Variants in ELF2 observed in about 807,000 individuals in gnomAD.
The protein encoded by ELF2 is ETS-related transcription factor Elf-2.
Under a neutral mutation model 54.8 loss-of-function variants are expected in ELF2, and 11 were observed. The observed-to-expected ratio is 0.20, with a 90% CI of 0.13 to 0.33. The LOEUF is 0.33. Among genes scored for constraint, ELF2 ranks in the 10% least tolerant of loss-of-function variants. The probability of loss-of-function intolerance (pLI) is 1.00; values close to 1 mark genes in which losing one functional copy is unlikely to be tolerated. For missense variants in ELF2, 513 were observed against 703.0 expected (o/e 0.73, Z 3.06); for synonymous variants, 203 against 245.1 (o/e 0.83, Z 1.61).
At chr4:139,114,906 A>G (rs1048540498) in intron 4 of ELF2, 84 of 1,611,570 alleles carry the variant, frequency 5.2e-5, no homozygotes, top group East Asian at 4.5e-5. Flanking sequence ...TGTGGGAACC[A>G]CCGTTCTCCT....
chr4:139,120,566 G>C (rs563716306), intron 4 of ELF2, among the ~76,000 whole-genome samples: 1 of 152,094 alleles, frequency 6.6e-6, no homozygotes, highest in Admixed American at 6.5e-5. Context: ...AGACTCTCAA[G>C]TAGCTAGGAC....
intron 1 of ELF2, among the ~76,000 whole-genome samples, chr4:139,151,032 A>AC (rs1553971300): frequency 9.8e-6 from 1 of 102,510 alleles, no homozygotes; most frequent in Admixed American, 1.1e-4. Context: ...TCAAAAAAAA[A>AC]AAAGAAAGAA....
rs531444379 is a variant in ELF2, at chr4:139,136,609, T to C, written c.72+1021A>G. 5.3e-5 allele frequency among the ~76,000 whole-genome samples: 8 copies of C among 152,114 alleles called. No homozygotes were observed. The East Asian group carries it at 1.5e-3, about 29-fold the overall frequency. ...TCCCACCTCAGCTCTGAACAAATATTGTCCATTATTATGACGGCTATTGAA... is the reference window on the plus strand; with the variant it reads ...TCCCACCTCAGCTCTGAACAAATATCGTCCATTATTATGACGGCTATTGAA... On this transcript the variant is annotated intron_variant, in intron 3 of 9. Coordinates refer to ENST00000686138, the MANE Select transcript of ELF2 (RefSeq NM_001331036.3).
chr4:139,097,793 T>C (rs778451184), intron 4 of ELF2, among the ~76,000 whole-genome samples: 41 of 152,278 alleles, frequency 2.7e-4, no homozygotes, highest in Admixed American at 6.5e-4. Flanking sequence ...ACAAAATATT[T>C]TGTTTGATTT....
chr4:139,067,757 T>C lies in ELF2; in HGVS notation c.540A>G (p.Pro180=). Residue 180 remains proline, a synonymous_variant, in exon 7 of 10, where the codon CCA becomes CCG. Coordinates refer to ENST00000686138, the MANE Select transcript of ELF2 (RefSeq NM_001331036.3). ...PMKKKKVGRK[P]KTQQSPISNG... ...TGGAAATTGGTGATTGCTGGGTCTTTGGTTTACGGCCAACTGAAAAAATAA... is the reference window on the plus strand; with the variant it reads ...TGGAAATTGGTGATTGCTGGGTCTTCGGTTTACGGCCAACTGAAAAAATAA... 1.9e-6 allele frequency: 3 copies of C among 1,596,224 alleles called. No individual in the cohort carries two copies. Among genetic ancestry groups the C allele is most frequent in the Non-Finnish European group, 2.6e-6 (3 of 1,167,802 alleles).
At chr4:139,102,541 A>G (rs183883698) in intron 4 of ELF2, among the ~76,000 whole-genome samples, 1 of 148,326 alleles carries the variant, frequency 6.7e-6, no homozygotes. Flanking sequence ...CTCCGTCTCA[A>G]AAAAAAAAGG....
intron 4 of ELF2, among the ~76,000 whole-genome samples, chr4:139,092,065 A>T (rs1000868657): frequency 6.6e-6 from 1 of 151,442 alleles, no homozygotes; most frequent in Non-Finnish European, 1.5e-5. Context: ...ATTGATATTT[A>T]AAAATAATAA....
intron 4 of ELF2, among the ~76,000 whole-genome samples, chr4:139,074,507 C>A (rs919358452): frequency 2.6e-5 from 4 of 151,882 alleles, no homozygotes; most frequent in African/African-American, 9.7e-5. Flanking sequence ...TGGCTCACAC[C>A]TGTAAGCACT....
chr4:139,066,648 A>G (rs1315900028), intron 7 of ELF2: 3 of 151,610 alleles, frequency 2.0e-5, no homozygotes, highest in African/African-American at 7.3e-5. Context: ...GCACTCTGGG[A>G]GTGTGAGGCC....
chr4:139,141,463 GC>G (rs905352017), intron 1 of ELF2, among the ~76,000 whole-genome samples: 1 of 152,158 alleles, frequency 6.6e-6, no homozygotes, highest in African/African-American at 2.4e-5. Context: ...CTGCTCCTTG[GC>G]CATCCCTTAA....
intron 4 of ELF2, chr4:139,116,751 C>A: frequency 5.1e-6 from 5 of 984,946 alleles, no homozygotes; most frequent in Non-Finnish European, 4.8e-6. Flanking sequence ...CTTCTACCTC[C>A]CTGTGGCAAC....
intron 4 of ELF2, among the ~76,000 whole-genome samples, chr4:139,107,317 A>G (rs1734514095): frequency 6.6e-6 from 1 of 152,226 alleles, no homozygotes; most frequent in Non-Finnish European, 1.5e-5. Flanking sequence ...CTTTATAAAT[A>G]GACATTCACA....
At chr4:139,122,168 T>C (rs752244511) in intron 4 of ELF2, among the ~76,000 whole-genome samples, 1 of 152,222 alleles carries the variant, frequency 6.6e-6, no homozygotes, top group Non-Finnish European at 1.5e-5. Flanking sequence ...TAATCTAAAT[T>C]ATAATGTAGG....
At chr4:139,176,381 G>A (rs1466327559) in intron 1 of ELF2, among the ~76,000 whole-genome samples, 2 of 126,438 alleles carry the variant, frequency 1.6e-5, no homozygotes, top group Non-Finnish European at 3.3e-5. Flanking sequence ...GACAGGGAAG[G>A]AAACTGGTGT....
intron 4 of ELF2, chr4:139,084,584 G>A (rs1006163630): frequency 3.2e-5 from 8 of 249,474 alleles, no homozygotes; most frequent in Non-Finnish European, 4.5e-5. Context: ...CCTGAGGCTG[G>A]GAAACGGCTC....
intron 3 of ELF2, among the ~76,000 whole-genome samples, chr4:139,133,746 T>C (rs995846111): frequency 6.6e-6 from 1 of 152,096 alleles, no homozygotes; most frequent in Non-Finnish European, 1.5e-5. Flanking sequence ...TGGGACTATA[T>C]GCACGTGCCA....
intron 3 of ELF2, among the ~76,000 whole-genome samples, chr4:139,134,562 ATG>A (rs1560850942): frequency 7.6e-5 from 11 of 145,560 alleles, no homozygotes; most frequent in African/African-American, 2.1e-4. Context: ...GTTTTATTTT[ATG>A]TTATTTTATT....
At chr4:139,127,002 C>T (rs1736989471) in intron 3 of ELF2, among the ~76,000 whole-genome samples, 1 of 152,164 alleles carries the variant, frequency 6.6e-6, no homozygotes, top group South Asian at 2.1e-4. Context: ...AGCAGTGTGA[C>T]TCCTGAGATA....
Position 139,177,116 on chromosome 4 carries a change from C to T in ELF2, c.-401G>A, listed in dbSNP as rs1743037648. The T allele has an allele frequency of 6.6e-6, 1 of 152,406 alleles. No homozygotes were observed. The highest frequency in any genetic ancestry group is 1.9e-4 in the East Asian group (1 of 5,130). The allele number at this position is 152,406 out of a possible 1,614,324, so 9.4% of individuals were successfully genotyped here. On this transcript the variant is annotated 5_prime_UTR_variant, in exon 1 of 10. Coordinates refer to ENST00000686138, the MANE Select transcript of ELF2 (RefSeq NM_001331036.3). The stretch of plus-strand genomic sequence containing the variant: ...TCCACAGGGAGAGAAGGAGACAAAA[C>T]AGAGGCTCGCCGCCCCGCGCAGCGA...
Sources: gnomAD v4.1 joint callset for allele counts (sites outside exome capture counted in the v4.1 genomes callset) on GRCh38, gnomAD v4.1.1 for gene constraint, MANE v1.5 for transcripts, NCBI Gene and HGNC (gene_info 2026-07-23, HGNC 2026-07-21) for gene names.